The following ST3GAL2 variants were observed in gnomAD, a reference collection of about 807,000 sequenced individuals.
ST3GAL2 encodes the protein ST3 beta-galactoside alpha-2,3-sialyltransferase 2, also known as CMP-N-acetylneuraminate-beta-galactosamide-alpha-2,3-sialyltransferase 2.
A neutral mutation model predicts 37.5 loss-of-function variants in ST3GAL2; 16 were observed. The ratio of observed to expected loss-of-function variants is 0.43; its 90% CI spans 0.29 to 0.65. The LOEUF is 0.65. ST3GAL2 is among the 30% of genes least tolerant of loss of function. The probability of loss-of-function intolerance (pLI) is 0.17; values close to 1 mark genes in which losing one functional copy is unlikely to be tolerated. For missense variants in ST3GAL2, 383 were observed against 487.8 expected, an observed-to-expected ratio of 0.79 and a Z score of 2.02; for synonymous variants, 238 against 202.9, an observed-to-expected ratio of 1.17 and a Z score of -1.47.
intron 1 of ST3GAL2, among the ~76,000 whole-genome samples, chr16:70,436,125 CAAAA>C (rs796840062): frequency 7.7e-6 from 1 of 129,308 alleles, no homozygotes; most frequent in South Asian, 2.5e-4. Flanking sequence ...GACTCTATCT[CAAAA>C]AAAAAAAAAG....
At position 70,414,373 on chromosome 16, in the gene ST3GAL2, A is replaced by G. The variant is rs186731278; in HGVS notation, c.-1003-14840T>C. Among the ~76,000 whole-genome samples the G allele has an allele frequency of 2.0e-5, 3 of 152,386 alleles. No individual in the cohort carries two copies. In the East Asian group the frequency reaches 5.8e-4, roughly 29 times the overall value. On this transcript the variant is annotated intron_variant, in intron 1 of 6. Transcript: ENST00000342907. ...GATAGGGCAGGGCGTGCAGACATGCAAACGGGATCTTTCAGATGTGGCCTG... is the reference window on the plus strand; with the variant it reads ...GATAGGGCAGGGCGTGCAGACATGCGAACGGGATCTTTCAGATGTGGCCTG...
chr16:70,381,537 A>T lies in ST3GAL2; in HGVS notation c.*152T>A. ...CCCGACCGCAGCGCAGATTGGTGCC[A>T]GGCCCGGCCGGTCCCCCAGTCTCGT... On this transcript the variant is annotated 3_prime_UTR_variant, in exon 7 of 7. Coordinates refer to ENST00000342907, the MANE Select transcript of ST3GAL2 (RefSeq NM_006927.4). 1.1e-6 allele frequency: 1 copy of T among 901,454 alleles called. No individual in the cohort carries two copies. Among genetic ancestry groups the T allele is most frequent in the Non-Finnish European group, 1.6e-6 (1 of 613,248 alleles). The allele number at this position is 901,454 out of a possible 1,614,324, so 55.8% of individuals were successfully genotyped here.
chr16:70,435,321 C>T (rs1021106883), intron 1 of ST3GAL2, among the ~76,000 whole-genome samples: 1 of 152,082 alleles, frequency 6.6e-6, no homozygotes, highest in African/African-American at 2.4e-5. Flanking sequence ...GCTGGCTGGG[C>T]GCAGTGGTTC....
intron 1 of ST3GAL2, among the ~76,000 whole-genome samples, chr16:70,415,128 C>T (rs1261055828): frequency 6.6e-6 from 1 of 152,178 alleles, no homozygotes; most frequent in African/African-American, 2.4e-5. Context: ...CCTGCCTCGG[C>T]CTCCCAAAGT....
intron 1 of ST3GAL2, among the ~76,000 whole-genome samples, chr16:70,406,654 C>G (rs545544762): frequency 6.6e-6 from 1 of 150,582 alleles, no homozygotes; most frequent in East Asian, 2.0e-4. Flanking sequence ...TGGTGGCATG[C>G]GCCTGTAATC....
intron 6 of ST3GAL2, among the ~76,000 whole-genome samples, chr16:70,382,167 G>T (rs1232640762): frequency 6.6e-6 from 1 of 151,750 alleles, no homozygotes; most frequent in Non-Finnish European, 1.5e-5. Context: ...GGTGGAACGG[G>T]TTCTCTGAAC....
intron 1 of ST3GAL2, among the ~76,000 whole-genome samples, chr16:70,433,622 G>A (rs965867300): frequency 6.6e-6 from 1 of 152,098 alleles, no homozygotes; most frequent in Non-Finnish European, 1.5e-5. Context: ...ATGACAAAAT[G>A]AGTGAGCACA....
chr16:70,384,972 G>A (rs986929217), intron 4 of ST3GAL2, among the ~76,000 whole-genome samples: 2 of 150,670 alleles, frequency 1.3e-5, no homozygotes, highest in Admixed American at 1.3e-4. Flanking sequence ...TCATGCCATT[G>A]CACTACATGC....
chr16:70,406,927 A>T (rs1353165528), intron 1 of ST3GAL2, among the ~76,000 whole-genome samples: 1 of 152,152 alleles, frequency 6.6e-6, no homozygotes, highest in African/African-American at 2.4e-5. Context: ...CAGAGGAACA[A>T]AGGCCGGGAG....
chr16:70,379,843 G>C lies in ST3GAL2; in HGVS notation c.*1846C>G, dbSNP rs1384302579. 1 of 151,496 alleles carries C rather than the reference G, an allele frequency of 6.6e-6. No individual in the cohort carries two copies. The highest frequency in any genetic ancestry group is 1.9e-4 in the East Asian group (1 of 5,180). The allele number at this position is 151,496 out of a possible 1,614,324, so 9.4% of individuals were successfully genotyped here. ...GACGAGGTTTCACCATATTGGCCAGGCTGGTCTCGAACTCCTGACCTTAAG... is the reference window on the plus strand; with the variant it reads ...GACGAGGTTTCACCATATTGGCCAGCCTGGTCTCGAACTCCTGACCTTAAG... On this transcript the variant is annotated 3_prime_UTR_variant, in exon 7 of 7. Transcript: ENST00000342907.
intron 2 of ST3GAL2, among the ~76,000 whole-genome samples, chr16:70,395,686 A>G (rs1327883129): frequency 1.3e-5 from 2 of 152,234 alleles, no homozygotes; most frequent in African/African-American, 4.8e-5. Flanking sequence ...TGGCTGGAAT[A>G]AAACTGGTGT....
In ST3GAL2 at chr16:70,381,407, G is replaced by C. The variant is rs1011915921; in HGVS notation, c.*282C>G. On this transcript the variant is annotated 3_prime_UTR_variant, in exon 7 of 7. Coordinates refer to ENST00000342907, the MANE Select transcript of ST3GAL2 (RefSeq NM_006927.4). ...CAAAGCATGAGGGAGTGGGGATTGA[G>C]CGGCCGCTGGCCCGCCCCCGAAGGC... 4.7e-5 allele frequency: 20 copies of C among 427,534 alleles called. No individual in the cohort carries two copies. Among genetic ancestry groups the C allele is most frequent in the Middle Eastern group, 6.7e-4 (1 of 1,502 alleles). 26.5% of individuals were successfully genotyped at this position (427,534 alleles called of 1,614,324 possible). A position where few individuals can be genotyped will look rare whatever the true frequency, so the allele number is the denominator to read the frequency against.
intron 1 of ST3GAL2, among the ~76,000 whole-genome samples, chr16:70,423,509 C>T (rs1424875545): frequency 6.6e-6 from 1 of 151,972 alleles, no homozygotes; most frequent in East Asian, 1.9e-4. Flanking sequence ...GACTCCATCT[C>T]AAAACAAACA....
chr16:70,389,202 C>CAAAAAAAAAAAAAAAAAAAAAAAAA lies in ST3GAL2; in HGVS notation c.534-681_534-657dup, dbSNP rs1160368910. Among the ~76,000 whole-genome samples the CAAAAAAAAAAAAAAAAAAAAAAAAA allele has an allele frequency of 5.5e-4, 15 of 27,372 alleles. 6 individuals carry two copies. In the East Asian group the frequency reaches 6.7e-3, roughly 12 times the overall value. 18.0% of individuals were successfully genotyped at this position (27,372 alleles called of 152,430 possible). On this transcript the variant is annotated intron_variant, in intron 3 of 6. Transcript: ENST00000342907. ...AGACCACGGTGAAACCCCATCTCTA[C>CAAAAAAAAAAAAAAAAAAAAAAAAA]AAAAAAAAAAAAAAAAAAAAAAAAA...
At chr16:70,407,849 T>A (rs1307904458) in intron 1 of ST3GAL2, among the ~76,000 whole-genome samples, 1 of 152,128 alleles carries the variant, frequency 6.6e-6, no homozygotes, top group East Asian at 1.9e-4. Context: ...CTTAACCTAA[T>A]GAAGCACAGG....
Position 70,395,026 on chromosome 16 carries a change from G to A in ST3GAL2, c.489C>T (p.Gly163=). ...AVVGNSGNLR[G]SGYGQDVDGH... Reference sequence around the variant, plus strand: ...CGTCCACGTCCTGCCCATAGCCAGAGCCCCGCAGGTTGCCCGAGTTCCCCA... The same window carrying A: ...CGTCCACGTCCTGCCCATAGCCAGAACCCCGCAGGTTGCCCGAGTTCCCCA... The change falls in exon 3 of 7, where the codon GGC becomes GGT. Residue 163 remains glycine, a synonymous_variant. Transcript: ENST00000342907. The A allele has an allele frequency of 6.2e-7, 1 of 1,613,904 alleles. No individual in the cohort carries two copies. The highest frequency in any genetic ancestry group is 1.7e-4 in the Middle Eastern group (1 of 6,060).
chr16:70,417,957 G>C (rs2047687099), intron 1 of ST3GAL2, among the ~76,000 whole-genome samples: 1 of 152,152 alleles, frequency 6.6e-6, no homozygotes, highest in African/African-American at 2.4e-5. Context: ...TTTAAAGATA[G>C]GATTCAGAAT....
At chr16:70,388,247 C>T in intron 4 of ST3GAL2, 120 bp downstream of exon 4, 2 of 1,337,030 alleles carry the variant, frequency 1.5e-6, no homozygotes, top group South Asian at 1.3e-5. Flanking sequence ...GCCCTCCCTT[C>T]TCACCAGCCC....
intron 1 of ST3GAL2, among the ~76,000 whole-genome samples, chr16:70,434,422 C>T (rs1351926948): frequency 2.0e-5 from 3 of 151,286 alleles, no homozygotes; most frequent in East Asian, 3.9e-4. Context: ...GGCAACAGAA[C>T]GAGACTCCAT....
Sources: allele counts gnomAD v4.1 joint callset (sites outside exome capture counted in the v4.1 genomes callset), GRCh38; gene constraint gnomAD v4.1.1; transcripts MANE v1.5; gene names NCBI Gene and HGNC (gene_info 2026-07-23, HGNC 2026-07-21).